Variants in RFC5 observed in about 807,000 individuals in gnomAD.
RFC5 encodes the protein A1 36 kDa subunit.
A neutral mutation model predicts 44.3 loss-of-function variants in RFC5; 26 were observed. The observed-to-expected ratio is 0.59, with a 90% CI of 0.43 to 0.81. RFC5 has a LOEUF of 0.81. Among genes scored for constraint, RFC5 ranks in the 40% least tolerant of loss-of-function variants. The pLI is 0.00. For missense variants in RFC5, 328 were observed against 418.6 expected (o/e 0.78, Z 1.89); for synonymous variants, 155 against 155.2 (o/e 1.00, Z 0.01).
rs147390839 is a variant in RFC5, at chr12:118,016,847, A to G, written c.20A>G (p.Lys7Arg). 2.9e-5 allele frequency: 47 copies of G among 1,613,492 alleles called. No individual in the cohort carries two copies. The African/African-American group carries it at 5.7e-4, about 20-fold the overall frequency. Residue 7 changes from lysine (K) to arginine (R), a missense_variant, in exon 1 of 11, where the codon AAG (lysine) becomes AGG (arginine). By Grantham distance (26) the Lys-to-Arg change is conservative. Coordinates refer to ENST00000454402, the MANE Select transcript of RFC5 (RefSeq NM_007370.7). METSAL[K>R]QQEQPAATKI... ...CCCGCCATGGAGACCTCAGCACTCA[A>G]GCAGCAGGAGCAGCCCGCGGCGACC... is the stretch of plus-strand genomic sequence containing the variant.
rs1382980504 is a variant in RFC5 at position 118,024,948 on chromosome 12, G to T, written c.519G>T (p.Arg173=). ...PALQSRCTRF[R]FGPLTPELMV... Reference sequence around the variant, plus strand: ...TGCAGTCCCGCTGCACGAGGTTTCGGTTCGGTCCCCTGACTCCTGAACTCA... The same window carrying T: ...TGCAGTCCCGCTGCACGAGGTTTCGTTTCGGTCCCCTGACTCCTGAACTCA... The change falls in exon 6 of 11, where the codon CGG becomes CGT. Residue 173 remains arginine (R), a synonymous_variant. Coordinates refer to ENST00000454402, the MANE Select transcript of RFC5 (RefSeq NM_007370.7). 1.2e-6 allele frequency: 2 copies of T among 1,614,086 alleles called. No individual in the cohort carries two copies. Among genetic ancestry groups the T allele is most frequent in the East Asian group, 4.5e-5 (2 of 44,874 alleles).
intron 1 of RFC5, chr12:118,017,934 T>G: frequency 1.5e-6 from 1 of 678,810 alleles, no homozygotes; most frequent in South Asian, 1.7e-5. Flanking sequence ...CAAAATTTCA[T>G]CACCCCAAAT....
chr12:118,020,771 A>G (rs1423894095), intron 3 of RFC5, 135 bp from the exon 4 acceptor site: 2 of 530,822 alleles, frequency 3.8e-6, no homozygotes, highest in African/African-American at 3.8e-5. Flanking sequence ...TTATTTTATG[A>G]TGATCTCTTA....
At chr12:118,022,009 A>G (rs2030532810) in intron 4 of RFC5, among the ~76,000 whole-genome samples, 1 of 152,174 alleles carries the variant, frequency 6.6e-6, no homozygotes, top group African/African-American at 2.4e-5. Context: ...AGACGGGAAA[A>G]GCAGTAGCAT....
chr12:118,035,174 A>G (rs770469774), downstream of RFC5: 5 of 1,613,118 alleles, frequency 3.1e-6, no homozygotes, highest in South Asian at 5.5e-5. Flanking sequence ...ACTTGCAAGC[A>G]CTTGTTCTGA....
chr12:118,034,465 G>T, downstream of RFC5: 1 of 1,355,648 alleles, frequency 7.4e-7, no homozygotes, highest in Admixed American at 2.3e-5. Flanking sequence ...GGAGACTTCG[G>T]AGAGTGAAAT....
chr12:118,037,309 G>C (rs940390732), downstream of RFC5, among the ~76,000 whole-genome samples: 1 of 152,198 alleles, frequency 6.6e-6, no homozygotes, highest in African/African-American at 2.4e-5. Flanking sequence ...CTGGGCCTCT[G>C]ACCTAGCTCA....
rs1339839080 is a variant in RFC5 at position 118,016,740 on chromosome 12, T to C, written c.-88T>C. The C allele has an allele frequency of 1.8e-6, 2 of 1,083,356 alleles. No homozygotes were observed. Among genetic ancestry groups the C allele is most frequent in the African/African-American group, 3.1e-5 (2 of 63,554 alleles). The allele number at this position is 1,083,356 out of a possible 1,614,324, so 67.1% of individuals were successfully genotyped here. A position where few individuals can be genotyped will look rare whatever the true frequency, so the allele number is the denominator to read the frequency against. Reference sequence around the variant, plus strand: ...TGCGCGCGAACTGTAAGTGCCAGGGTCTCAGGGTCAGGTCGCGGCTGGTCA... The same window carrying C: ...TGCGCGCGAACTGTAAGTGCCAGGGCCTCAGGGTCAGGTCGCGGCTGGTCA... On this transcript the variant is annotated 5_prime_UTR_variant, in exon 1 of 11. Coordinates refer to ENST00000454402, the MANE Select transcript of RFC5 (RefSeq NM_007370.7).
At chr12:118,036,394 G>T (rs778484500), downstream of RFC5, 1 of 1,614,178 alleles carries the variant, frequency 6.2e-7, no homozygotes, top group South Asian at 1.1e-5. Flanking sequence ...CATTGGTATC[G>T]TAAGAAGCCG....
chr12:118,022,481 T>C, intron 5 of RFC5, 122 bp downstream of exon 5: 3 of 689,844 alleles, frequency 4.3e-6, no homozygotes, highest in Non-Finnish European at 7.5e-6. Flanking sequence ...TTTTCTTTTT[T>C]TGAGTCAGAG....
chr12:118,025,619 T>C, intron 6 of RFC5, 128 bp from the exon 7 acceptor site: 1 of 635,224 alleles, frequency 1.6e-6, no homozygotes, highest in East Asian at 2.7e-5. Flanking sequence ...GATCAGGAGA[T>C]TATTAACTCT....
At chr12:118,040,577 A>C in the RFC5 span, among the ~76,000 whole-genome samples, 5 of 151,580 alleles carry the variant, frequency 3.3e-5, no homozygotes, top group African/African-American at 7.3e-5. Context: ...CCTGACCTTC[A>C]TGGCAAAACC....
chr12:118,021,061 CCTT>C, intron 4 of RFC5, 76 bp downstream of exon 4: 1 of 895,078 alleles, frequency 1.1e-6, no homozygotes, highest in Non-Finnish European at 1.8e-6. Flanking sequence ...TTAATCCTCT[CCTT>C]AGCCAGTTTA....
At chr12:118,027,223 C>G (rs770307709) in intron 8 of RFC5, 29 of 554,982 alleles carry the variant, frequency 5.2e-5, no homozygotes, top group Non-Finnish European at 8.1e-5. Flanking sequence ...CTCTGACCTT[C>G]AAGTCAGGGT....
the RFC5 span, among the ~76,000 whole-genome samples, chr12:118,040,270 C>G: frequency 1.3e-5 from 2 of 152,112 alleles, no homozygotes; most frequent in East Asian, 3.9e-4. Flanking sequence ...GGGGCAGCGC[C>G]TGTCAGCTGG....
At chr12:118,025,514 G>T in intron 6 of RFC5, 1 of 467,362 alleles carries the variant, frequency 2.1e-6, no homozygotes, top group Non-Finnish European at 3.8e-6. Flanking sequence ...GAGAATGCTT[G>T]TTCCTAAATT....
chr12:118,019,098 T>C lies in RFC5; in HGVS notation c.92T>C (p.Leu31Pro). 4 of 1,612,586 alleles carry C rather than the reference T, an allele frequency of 2.5e-6. No individual in the cohort carries two copies. Among genetic ancestry groups the C allele is most frequent in the Non-Finnish European group, 3.4e-6 (4 of 1,178,646 alleles). The change falls in exon 2 of 11, where the codon CTG becomes CCG. Residue 31 changes from leucine to proline, a missense_variant. Physicochemically the swap from Leu to Pro is moderately conservative, Grantham distance 98. Transcript: ENST00000454402. This position sits in a 1 kb window ranked among gnomAD's most constrained non-coding sequence, Gnocchi z 4.2. ...GTTGAAAAATACCGGCCACAGACCC[T>C]GAATGATCTCATTTCTCATCAGGAC... ...PWVEKYRPQT[L>P]NDLISHQDIL...
At chr12:118,025,196 A>G (rs989865369) in intron 6 of RFC5, 186 bp downstream of exon 6, 5 of 490,386 alleles carry the variant, frequency 1.0e-5, no homozygotes, top group African/African-American at 6.0e-5. Context: ...ATTCCTCATA[A>G]AAGTCATTTG....
intron 4 of RFC5, among the ~76,000 whole-genome samples, chr12:118,022,066 G>A (rs545711505): frequency 7.3e-4 from 111 of 152,312 alleles, no homozygotes; most frequent in African/African-American, 2.4e-3. Context: ...AGGACACAGC[G>A]CACAGAAGTA....
Sources: allele counts gnomAD v4.1 joint callset (sites outside exome capture counted in the v4.1 genomes callset), GRCh38; gene constraint gnomAD v4.1.1; non-coding constraint Gnocchi (gnomAD v3.1); transcripts MANE v1.5; gene names NCBI Gene and HGNC (gene_info 2026-07-23, HGNC 2026-07-21).